Variants in RASAL2 observed in about 807,000 individuals in gnomAD.
RASAL2 encodes the protein ras GTPase-activating protein nGAP.
RASAL2 carries 58 observed loss-of-function variants against 128.9 expected under a neutral mutation model. The ratio of observed to expected loss-of-function variants is 0.45; its 90% CI spans 0.36 to 0.56. The LOEUF (loss-of-function observed/expected upper bound fraction) is 0.56, where lower values mean the gene tolerates loss of function less well. RASAL2 is among the 20% of genes least tolerant of loss of function. The probability of loss-of-function intolerance (pLI) is 0.00; values close to 1 mark genes in which losing one functional copy is unlikely to be tolerated. For missense variants in RASAL2, 1,360 were observed against 1,601.6 expected (o/e 0.85, Z 2.57); for synonymous variants, 561 against 580.8 (o/e 0.97, Z 0.49).
At chr1:178,441,237 G>C (rs1252966089) in intron 6 of RASAL2, among the ~76,000 whole-genome samples, 1 of 152,118 alleles carries the variant, frequency 6.6e-6, no homozygotes, top group Non-Finnish European at 1.5e-5. Context: ...CATTCCTTTT[G>C]GCCTTGTCTA....
chr1:178,212,492 T>C (rs1663286718), intron 1 of RASAL2, among the ~76,000 whole-genome samples: 1 of 152,058 alleles, frequency 6.6e-6, no homozygotes, highest in Non-Finnish European at 1.5e-5. Flanking sequence ...TTCTAACTCT[T>C]TTTTTTTCTG....
chr1:178,282,856 A>G (rs1030792595), intron 1 of RASAL2, among the ~76,000 whole-genome samples: 2 of 152,218 alleles, frequency 1.3e-5, no homozygotes, highest in African/African-American at 2.4e-5. Context: ...CCAAATGAGT[A>G]AACATTTTAT....
intron 3 of RASAL2, among the ~76,000 whole-genome samples, chr1:178,355,067 C>T (rs1275874900): frequency 3.9e-5 from 6 of 152,084 alleles, no homozygotes; most frequent in East Asian, 1.9e-4. Context: ...TAGATTGCAG[C>T]GAGCTGTGAT....
At chr1:178,338,088 A>G (rs987203624) in intron 3 of RASAL2, among the ~76,000 whole-genome samples, 2 of 151,796 alleles carry the variant, frequency 1.3e-5, no homozygotes, top group South Asian at 4.2e-4. Context: ...GATTTTCAAA[A>G]AGATCATGCA....
chr1:178,272,083 A>G (rs893044308), intron 1 of RASAL2, among the ~76,000 whole-genome samples: 1 of 152,140 alleles, frequency 6.6e-6, no homozygotes, highest in Non-Finnish European at 1.5e-5. Flanking sequence ...TGTAGTGTTT[A>G]TCAGAATTAT....
At chr1:178,126,089 C>G (rs970757939) in intron 1 of RASAL2, among the ~76,000 whole-genome samples, 2 of 152,118 alleles carry the variant, frequency 1.3e-5, no homozygotes, top group African/African-American at 4.8e-5. Context: ...ATGCTCTTAC[C>G]TCTCTTGCAA....
At chr1:178,184,180 CTT>C (rs1340098145) in intron 1 of RASAL2, among the ~76,000 whole-genome samples, 1 of 151,986 alleles carries the variant, frequency 6.6e-6, no homozygotes, top group East Asian at 1.9e-4. Flanking sequence ...TTTATAGAGT[CTT>C]TGTATATTTT....
chr1:178,157,998 C>T (rs1373645174), intron 1 of RASAL2, among the ~76,000 whole-genome samples: 1 of 152,128 alleles, frequency 6.6e-6, no homozygotes, highest in African/African-American at 2.4e-5. Flanking sequence ...TTGATTATCA[C>T]TTGGTGATTT....
At chr1:178,259,122 C>CT (rs59978357) in intron 1 of RASAL2, among the ~76,000 whole-genome samples, 3,041 of 70,514 alleles carry the variant, frequency 0.043, 551 homozygotes, top group African/African-American at 0.15. Flanking sequence ...AATGAAACTT[C>CT]TTTTTTTTTT....
Position 178,473,089 on chromosome 1 carries a change from G to A in RASAL2, c.3693G>A (p.Val1231=). 6.2e-7 allele frequency: 1 copy of A among 1,614,164 alleles called. No individual in the cohort carries two copies. Among genetic ancestry groups the A allele is most frequent in the Non-Finnish European group, 8.5e-7 (1 of 1,180,014 alleles). Residue 1231 remains valine, a synonymous_variant, in exon 18 of 18, where the codon GTG becomes GTA. Transcript: ENST00000367649. ...GTGTGTTGTAGGAAAAACGGATCGT[G>A]TCCCTGGATTCAGCCAACACCAGAC... ...KIIDAQEKRI[V]SLDSANTRLM...
At chr1:178,167,395 G>C (rs201122794) in intron 1 of RASAL2, among the ~76,000 whole-genome samples, 6 of 152,182 alleles carry the variant, frequency 3.9e-5, no homozygotes, top group Non-Finnish European at 7.4e-5. Context: ...ATATAAAGCT[G>C]TGCTTACTTT....
At chr1:178,285,535 C>T (rs1666989017) in intron 2 of RASAL2, among the ~76,000 whole-genome samples, 1 of 152,068 alleles carries the variant, frequency 6.6e-6, no homozygotes, top group Non-Finnish European at 1.5e-5. Context: ...TACCTGTAAC[C>T]CTTTTCCAGC....
chr1:178,233,313 A>G (rs1664086179), intron 1 of RASAL2, among the ~76,000 whole-genome samples: 1 of 152,198 alleles, frequency 6.6e-6, no homozygotes, highest in Admixed American at 6.5e-5. Flanking sequence ...TAAGAAACAA[A>G]CATCACCTTG....
At chr1:178,408,103 G>A (rs1299768064) in intron 4 of RASAL2, among the ~76,000 whole-genome samples, 1 of 152,110 alleles carries the variant, frequency 6.6e-6, no homozygotes, top group Non-Finnish European at 1.5e-5. Flanking sequence ...TGTATCAATT[G>A]CTATGACAAT....
Position 178,094,440 on chromosome 1 carries a change from G to C in RASAL2, c.-53G>C. ...TACCGCAGGCAGGGCGCGGAGCCGC[G>C]CGCCAGCCCGCCCCGAAGCCGCCGC... is the stretch of plus-strand genomic sequence containing the variant. On this transcript the variant is annotated 5_prime_UTR_variant, in exon 1 of 18. Transcript: ENST00000367649. The C allele has an allele frequency of 1.4e-6, 2 of 1,464,656 alleles. No homozygotes were observed. Among genetic ancestry groups the C allele is most frequent in the Non-Finnish European group, 1.8e-6 (2 of 1,105,462 alleles). 90.7% of individuals were successfully genotyped at this position (1,464,656 alleles called of 1,614,324 possible).
rs1473962276 is a variant in RASAL2 at position 178,328,607 on chromosome 1, TG to T, written c.457+28490del. On this transcript the variant is annotated intron_variant, in intron 3 of 17. Transcript: ENST00000367649. ...ATAAATGTAAAGAAACAATAAGTGATGTAACTAGGTAGACATAATGATGACA... is the reference window on the plus strand; with the variant it reads ...ATAAATGTAAAGAAACAATAAGTGATTAACTAGGTAGACATAATGATGACA... Among the ~76,000 whole-genome samples the T allele has an allele frequency of 2.6e-5, 4 of 152,324 alleles. No homozygotes were observed. The East Asian group carries it at 5.8e-4, about 22-fold the overall frequency.
At chr1:178,237,431 G>A (rs369409371) in intron 1 of RASAL2, among the ~76,000 whole-genome samples, 2 of 152,266 alleles carry the variant, frequency 1.3e-5, no homozygotes, top group South Asian at 2.1e-4. Flanking sequence ...AAATCACACA[G>A]GCTAGGGATA....
At chr1:178,324,421 A>G (rs1377249184) in intron 3 of RASAL2, among the ~76,000 whole-genome samples, 2 of 152,024 alleles carry the variant, frequency 1.3e-5, no homozygotes, top group Non-Finnish European at 2.9e-5. Context: ...TAGGAAAAAA[A>G]AAAAAAGAAA....
intron 5 of RASAL2, among the ~76,000 whole-genome samples, chr1:178,433,274 T>G (rs534405157): frequency 6.6e-6 from 1 of 152,242 alleles, no homozygotes; most frequent in South Asian, 2.1e-4. Context: ...GTTACAACTT[T>G]GTGTTACTGT....
Sources: allele counts gnomAD v4.1 joint callset (sites outside exome capture counted in the v4.1 genomes callset), GRCh38; gene constraint gnomAD v4.1.1; transcripts MANE v1.5; gene names NCBI Gene and HGNC (gene_info 2026-07-23, HGNC 2026-07-21).